The following IQSEC1 variants were observed in gnomAD, a reference collection of about 807,000 sequenced individuals.
IQSEC1 encodes IQ motif and Sec7 domain ArfGEF 1.
Under a neutral mutation model 91.0 loss-of-function variants are expected in IQSEC1, and 31 were observed. The ratio of observed to expected loss-of-function variants is 0.34; its 90% confidence interval spans 0.26 to 0.46. The LOEUF (loss-of-function observed/expected upper bound fraction) is 0.46, where lower values mean the gene tolerates loss of function less well. Ranked by LOEUF, IQSEC1 falls within the 20% of genes least tolerant of loss-of-function variation. IQSEC1 has a pLI of 1.00. For synonymous variants in IQSEC1, 699 were observed against 662.6 expected (o/e 1.05, Z -0.84); for missense variants, 1,388 against 1,575.6 (o/e 0.88, Z 2.02).
intron 3 of IQSEC1, among the ~76,000 whole-genome samples, chr3:12,931,556 T>TATCA (rs1303540980): frequency 6.6e-6 from 1 of 152,218 alleles, no homozygotes; most frequent in African/African-American, 2.4e-5. Context: ...CTGCTATTTT[T>TATCA]ATCAATGACA....
At chr3:12,941,334 G>A (rs918329018) in intron 2 of IQSEC1, among the ~76,000 whole-genome samples, 1 of 152,080 alleles carries the variant, frequency 6.6e-6, no homozygotes, top group African/African-American at 2.4e-5. Flanking sequence ...GTCCCCAGAA[G>A]GAACGCCAGA....
At chr3:13,040,001 G>A (rs148269417) in intron 1 of IQSEC1, among the ~76,000 whole-genome samples, 7 of 152,344 alleles carry the variant, frequency 4.6e-5, no homozygotes, top group South Asian at 2.1e-4. Context: ...ACTCCACTTC[G>A]TGGCATTAGC....
intron 1 of IQSEC1, among the ~76,000 whole-genome samples, chr3:12,953,088 G>A (rs886392503): frequency 7.2e-5 from 11 of 152,324 alleles, no homozygotes; most frequent in South Asian, 4.1e-4. Context: ...CCCTCAGTAA[G>A]GTGGGGCTCA....
chr3:13,145,805 G>GGGGGGC (rs1559263978), intron 2 of IQSEC1, among the ~76,000 whole-genome samples: 1 of 12,466 alleles, frequency 8.0e-5, no homozygotes, highest in African/African-American at 3.5e-4. Context: ...GCCCGGGGGC[G>GGGGGGC]GGGGGGGGGG....
chr3:13,128,647 C>T (rs903005699), intron 2 of IQSEC1, among the ~76,000 whole-genome samples: 3 of 151,988 alleles, frequency 2.0e-5, no homozygotes, highest in South Asian at 4.1e-4. Context: ...GGGCGGATCA[C>T]GAGGTCAGGA....
intron 9 of IQSEC1, among the ~76,000 whole-genome samples, chr3:12,912,072 C>T (rs956306062): frequency 5.9e-5 from 9 of 152,190 alleles, no homozygotes; most frequent in Admixed American, 2.6e-4. Flanking sequence ...TGCTCACTAG[C>T]GCTGACCTTG....
At chr3:13,112,278 T>C (rs1425563312) in intron 2 of IQSEC1, among the ~76,000 whole-genome samples, 2 of 152,206 alleles carry the variant, frequency 1.3e-5, no homozygotes, top group African/African-American at 4.8e-5. Flanking sequence ...AGCTCTGCAG[T>C]GGACAGGGCA....
In IQSEC1 at chr3:12,897,070, AATTTTGTAT is replaced by A. The variant is rs1693721773; in HGVS notation, c.*3904_*3912del. 1 of 152,194 alleles carries A rather than the reference AATTTTGTAT, an allele frequency of 6.6e-6. No homozygotes were observed. Among genetic ancestry groups the A allele is most frequent in the Non-Finnish European group, 1.5e-5 (1 of 68,032 alleles). 9.4% of individuals were successfully genotyped at this position (152,194 alleles called of 1,614,324 possible). On this transcript the variant is annotated 3_prime_UTR_variant, in exon 14 of 14. Coordinates refer to ENST00000613206, the MANE Select transcript of IQSEC1 (RefSeq NM_001134382.3). ...GGTTGTGATGTGTCCCTTTATTTTA[AATTTTGTAT>A]CAGTGTCCTCAGTCAGTCCAATGTC...
intron 1 of IQSEC1, among the ~76,000 whole-genome samples, chr3:13,204,721 ATC>A (rs1025197713): frequency 5.3e-5 from 8 of 151,252 alleles, no homozygotes. Context: ...CGTTTTCTCT[ATC>A]TCTTTCTTTC....
intron 2 of IQSEC1, among the ~76,000 whole-genome samples, chr3:13,098,385 T>G (rs1409272907): frequency 1.3e-5 from 2 of 152,096 alleles, no homozygotes; most frequent in African/African-American, 4.8e-5. Flanking sequence ...CCATCTTAAG[T>G]GGGTTTTGAA....
chr3:13,070,555 T>C (rs1032441355), intron 1 of IQSEC1, among the ~76,000 whole-genome samples: 3 of 151,856 alleles, frequency 2.0e-5, no homozygotes, highest in Non-Finnish European at 4.4e-5. Flanking sequence ...GGGTTCTGGG[T>C]GGGGAGTAAT....
intron 2 of IQSEC1, among the ~76,000 whole-genome samples, chr3:13,113,795 T>C (rs1706290853): frequency 1.3e-5 from 2 of 152,158 alleles, no homozygotes; most frequent in South Asian, 4.1e-4. Context: ...CCCGTCTTGG[T>C]GGCTACAACA....
chr3:12,941,446 T>C, intron 2 of IQSEC1, 125 bp downstream of exon 2: 1 of 972,504 alleles, frequency 1.0e-6, no homozygotes, highest in South Asian at 1.8e-5. Flanking sequence ...CCCTCAGCCT[T>C]AGCCCACATG....
intron 1 of IQSEC1, among the ~76,000 whole-genome samples, chr3:13,197,894 CCTGAGTGGCCTGCCCAAGG>C (rs1694165379): frequency 6.6e-6 from 1 of 152,208 alleles, no homozygotes; most frequent in Non-Finnish European, 1.5e-5. Flanking sequence ...TCTTGGAGGG[CCTGAGTGGCCTGCCCAAGG>C]CTGCCCAGCA....
chr3:13,236,992 A>C (rs1041741092), intron 1 of IQSEC1, among the ~76,000 whole-genome samples: 1 of 152,154 alleles, frequency 6.6e-6, no homozygotes, highest in Non-Finnish European at 1.5e-5. Context: ...CTGGCTCACA[A>C]CACCTGCCCG....
intron 1 of IQSEC1, among the ~76,000 whole-genome samples, chr3:12,990,167 C>T (rs532783791): frequency 2.6e-5 from 4 of 152,320 alleles, no homozygotes; most frequent in African/African-American, 9.6e-5. Flanking sequence ...TGATAGCTTT[C>T]CACCAAGTCC....
chr3:13,264,629 A>C (rs553058852), intron 1 of IQSEC1, among the ~76,000 whole-genome samples: 2 of 152,196 alleles, frequency 1.3e-5, no homozygotes, highest in Admixed American at 6.5e-5. Flanking sequence ...CTCTGCAGGA[A>C]GGCTGGCACT....
At chr3:13,222,940 T>C (rs1291828284) in intron 1 of IQSEC1, among the ~76,000 whole-genome samples, 2 of 152,220 alleles carry the variant, frequency 1.3e-5, no homozygotes, top group Non-Finnish European at 2.9e-5. Context: ...GTGCCCAGAC[T>C]CAGCTCCAGC....
intron 2 of IQSEC1, among the ~76,000 whole-genome samples, chr3:13,156,527 G>C (rs1239001998): frequency 6.6e-6 from 1 of 152,258 alleles, no homozygotes; most frequent in Non-Finnish European, 1.5e-5. Context: ...GGACAGACAA[G>C]CTTAGCACAT....
Sources: allele counts gnomAD v4.1 joint callset (sites outside exome capture counted in the v4.1 genomes callset), GRCh38; gene constraint gnomAD v4.1.1; transcripts MANE v1.5; gene names NCBI Gene and HGNC (gene_info 2026-07-23, HGNC 2026-07-21).